Variants in VXN observed in about 807,000 individuals in gnomAD.
The protein encoded by VXN is uncharacterized protein C8orf46.
Under a neutral mutation model 23.1 loss-of-function variants are expected in VXN, and 7 were observed. The observed-to-expected ratio is 0.30, with a 90% confidence interval of 0.17 to 0.57. The LOEUF (loss-of-function observed/expected upper bound fraction) is 0.57. Ranked by LOEUF, VXN falls within the 20% of genes least tolerant of loss-of-function variation. The pLI, the probability that VXN is intolerant of heterozygous loss-of-function variation, is 0.91. For synonymous variants in VXN, 120 were observed against 105.8 expected (o/e 1.13, Z -0.83); for missense variants, 238 against 272.6 (o/e 0.87, Z 0.89).
At chr8:66,510,423 T>C in intron 4 of VXN, 1 of 382,942 alleles carries the variant, frequency 2.6e-6, no homozygotes, top group Non-Finnish European at 4.7e-6. Context: ...CCAATAGACA[T>C]CTTATACATG....
intron 5 of VXN, 87 bp downstream of exon 5, chr8:66,513,724 T>A (rs998356624): frequency 1.8e-6 from 2 of 1,099,760 alleles, no homozygotes; most frequent in African/African-American, 3.2e-5. Context: ...GCCGCCTGGT[T>A]GACAGACCCT....
At chr8:66,514,690 A>G (rs1487764906) in intron 5 of VXN, among the ~76,000 whole-genome samples, 2 of 152,142 alleles carry the variant, frequency 1.3e-5, no homozygotes, top group Non-Finnish European at 2.9e-5. Flanking sequence ...TTGACCTCCC[A>G]AAGTGCTGGG....
At chr8:66,499,640 C>T (rs984163807) in intron 2 of VXN, among the ~76,000 whole-genome samples, 3 of 152,056 alleles carry the variant, frequency 2.0e-5, no homozygotes, top group Admixed American at 6.5e-5. Flanking sequence ...ACTGCAACCT[C>T]CGTCTCCTGG....
At chr8:66,514,703 T>C (rs148379253) in intron 5 of VXN, among the ~76,000 whole-genome samples, 4,225 of 152,300 alleles carry the variant, frequency 0.028, 83 homozygotes, top group Non-Finnish European at 0.039. Flanking sequence ...GTGCTGGGAT[T>C]ACAGGCATGA....
chr8:66,513,103 C>A (rs1283826324), intron 4 of VXN, among the ~76,000 whole-genome samples: 1 of 152,160 alleles, frequency 6.6e-6, no homozygotes, highest in Non-Finnish European at 1.5e-5. Flanking sequence ...GCTGGCCCTA[C>A]CCTACGTAGC....
rs1192876855 is a variant in VXN at position 66,518,274 on chromosome 8, C to G, written c.*2198C>G. The G allele has an allele frequency of 6.6e-6, 1 of 152,256 alleles. No individual in the cohort carries two copies. Among genetic ancestry groups the G allele is most frequent in the Non-Finnish European group, 1.5e-5 (1 of 68,040 alleles). The allele number at this position is 152,256 out of a possible 1,614,324, so 9.4% of individuals were successfully genotyped here. A position where few individuals can be genotyped will look rare whatever the true frequency, so the allele number is the denominator to read the frequency against. On this transcript the variant is annotated 3_prime_UTR_variant, in exon 6 of 6. Coordinates refer to ENST00000305454, the MANE Select transcript of VXN (RefSeq NM_152765.4). ...GAGATCCATCCTCCCACCTCAGTCTCCTGAAAGCTGGGATGACAGGCACAT... is the reference window on the plus strand; with the variant it reads ...GAGATCCATCCTCCCACCTCAGTCTGCTGAAAGCTGGGATGACAGGCACAT...
At chr8:66,505,773 T>C (rs1370476211) in intron 3 of VXN, among the ~76,000 whole-genome samples, 1 of 152,242 alleles carries the variant, frequency 6.6e-6, no homozygotes, top group Non-Finnish European at 1.5e-5. Flanking sequence ...GTTTGCGTAA[T>C]GAGCAAAGAT....
rs866689717 is a variant in VXN at position 66,518,487 on chromosome 8, A to G, written c.*2411A>G. On this transcript the variant is annotated 3_prime_UTR_variant, in exon 6 of 6. Coordinates refer to ENST00000305454, the MANE Select transcript of VXN (RefSeq NM_152765.4). ...TACTTGGCCAATTCAAATAAAAATA[A>G]AGTCAGCTTTGTTTGTGACATTCAT... 1 of 152,238 alleles carries G rather than the reference A, an allele frequency of 6.6e-6. No homozygotes were observed. Among genetic ancestry groups the G allele is most frequent in the African/African-American group, 2.4e-5 (1 of 41,462 alleles). The allele number at this position is 152,238 out of a possible 1,614,324, so 9.4% of individuals were successfully genotyped here. A position where few individuals can be genotyped will look rare whatever the true frequency, so the allele number is the denominator to read the frequency against.
intron 5 of VXN, among the ~76,000 whole-genome samples, chr8:66,515,562 C>T (rs1434906928): frequency 2.6e-5 from 4 of 152,190 alleles, no homozygotes; most frequent in Admixed American, 1.3e-4. Context: ...GGGGAACTGT[C>T]CTTTCCAGCA....
At chr8:66,505,029 A>G (rs1807733818) in intron 2 of VXN, among the ~76,000 whole-genome samples, 1 of 152,182 alleles carries the variant, frequency 6.6e-6, no homozygotes, top group South Asian at 2.1e-4. Context: ...CCTGTTGTCA[A>G]AACACGTCAG....
At chr8:66,511,161 G>A (rs146534065) in intron 4 of VXN, among the ~76,000 whole-genome samples, 16 of 152,258 alleles carry the variant, frequency 1.1e-4, no homozygotes, top group African/African-American at 3.1e-4. Flanking sequence ...AAGGGGATGG[G>A]GTGGCACATT....
chr8:66,500,529 G>A (rs907184851), intron 2 of VXN, among the ~76,000 whole-genome samples: 6 of 151,824 alleles, frequency 4.0e-5, no homozygotes, highest in Non-Finnish European at 5.9e-5. Context: ...TCAGTTATAC[G>A]CCTTTTTCTT....
intron 4 of VXN, 60 bp from the exon 5 acceptor site, chr8:66,513,480 T>A: frequency 1.7e-5 from 24 of 1,402,354 alleles, no homozygotes; most frequent in Non-Finnish European, 2.4e-5. Context: ...ACAGCCTCAG[T>A]CAGGGCCAGA....
chr8:66,495,174 T>C (rs1028824826), intron 1 of VXN, among the ~76,000 whole-genome samples: 2 of 152,096 alleles, frequency 1.3e-5, no homozygotes, highest in African/African-American at 4.8e-5. Flanking sequence ...GAAGGAGAAT[T>C]AGGGAAGGGT....
Position 66,513,520 on chromosome 8 carries a change from C to T in VXN, c.343-20C>T, listed in dbSNP as rs1171939627. Reference sequence around the variant, plus strand: ...GAAGGCAGATGCATCCTCACACTCCCTCCCGCTTCCTCATGACAGATACCG... The same window carrying T: ...GAAGGCAGATGCATCCTCACACTCCTTCCCGCTTCCTCATGACAGATACCG... On this transcript the variant is annotated intron_variant, in intron 4 of 5. Transcript: ENST00000305454. The T allele has an allele frequency of 1.2e-6, 2 of 1,607,920 alleles. No homozygotes were observed. The highest frequency in any genetic ancestry group is 1.7e-6 in the Non-Finnish European group (2 of 1,174,504).
intron 4 of VXN, among the ~76,000 whole-genome samples, chr8:66,512,065 CAAA>C (rs35689084): frequency 1.0e-4 from 7 of 68,312 alleles, no homozygotes; most frequent in South Asian, 5.1e-4. Flanking sequence ...AACTCAGTTT[CAAA>C]AAAAAAAAAA....
intron 4 of VXN, among the ~76,000 whole-genome samples, chr8:66,511,785 G>C (rs1382470946): frequency 6.6e-6 from 1 of 152,148 alleles, no homozygotes; most frequent in Non-Finnish European, 1.5e-5. Context: ...AAGAGGAAGA[G>C]GCCAGGCACA....
intron 2 of VXN, 98 bp from the exon 3 acceptor site, chr8:66,505,277 C>T (rs1185087558): frequency 1.4e-6 from 2 of 1,459,830 alleles, no homozygotes; most frequent in Admixed American, 2.0e-5. Flanking sequence ...GAAACTCCCT[C>T]GATGCGAGCT....
chr8:66,515,862 C>T (rs748263553), intron 5 of VXN, 31 bp from the exon 6 acceptor site: 56 of 1,517,194 alleles, frequency 3.7e-5, no homozygotes, highest in Non-Finnish European at 4.6e-5. Flanking sequence ...GAGCAGACCA[C>T]CCTCCCCACC....
Sources: allele counts gnomAD v4.1 joint callset (sites outside exome capture counted in the v4.1 genomes callset), GRCh38; gene constraint gnomAD v4.1.1; transcripts MANE v1.5; gene names NCBI Gene and HGNC (gene_info 2026-07-23, HGNC 2026-07-21).